Variants in GPR37 observed in about 807,000 individuals in gnomAD.
GPR37 encodes the protein prosaposin receptor GPR37.
A neutral mutation model predicts 43.6 loss-of-function variants in GPR37; 20 were observed. The observed-to-expected ratio is 0.46, with a 90% CI of 0.32 to 0.67. GPR37 has a LOEUF of 0.67. GPR37 is among the 30% of genes least tolerant of loss of function. The probability of loss-of-function intolerance (pLI) is 0.03; values close to 1 mark genes in which losing one functional copy is unlikely to be tolerated. For missense variants in GPR37, 724 were observed against 797.2 expected (o/e 0.91, Z 1.11); for synonymous variants, 315 against 322.6 (o/e 0.98, Z 0.25).
intron 1 of GPR37, among the ~76,000 whole-genome samples, chr7:124,756,672 T>C (rs564624312): frequency 5.9e-5 from 9 of 152,274 alleles, no homozygotes; most frequent in Non-Finnish European, 8.8e-5. Flanking sequence ...GGTCAATTCA[T>C]GGGAAGTGAA....
intron 1 of GPR37, among the ~76,000 whole-genome samples, chr7:124,756,164 AG>A (rs1793788588): frequency 6.6e-6 from 1 of 152,294 alleles, no homozygotes; most frequent in Admixed American, 6.5e-5. Context: ...CGATATAAAA[AG>A]GATTTGAATT....
intron 1 of GPR37, among the ~76,000 whole-genome samples, chr7:124,749,839 C>A (rs549680122): frequency 6.6e-6 from 1 of 152,168 alleles, no homozygotes; most frequent in South Asian, 2.1e-4. Flanking sequence ...AACCACAATT[C>A]TTATTCTCCA....
chr7:124,763,802 A>G (rs1262971715), intron 1 of GPR37, 152 bp downstream of exon 1: 8 of 714,064 alleles, frequency 1.1e-5, no homozygotes, highest in Non-Finnish European at 1.9e-5. Flanking sequence ...ATATACATAC[A>G]TGCATAAATG....
intron 1 of GPR37, among the ~76,000 whole-genome samples, chr7:124,757,462 G>A (rs967401107): frequency 6.6e-6 from 1 of 152,082 alleles, no homozygotes; most frequent in African/African-American, 2.4e-5. Context: ...TCCTGGGAAA[G>A]CTAAAGGAAA....
In GPR37 at chr7:124,764,040, A is replaced by G; in HGVS notation, c.937T>C (p.Phe313Leu). ...LAFWDFLIIF[F>L]CLPLVIFHEL... ...TGGAAGATGACCAGCGGAAGGCAGA[A>G]GAAGATGATGAGAAAGTCCCAGAAG... is the stretch of plus-strand genomic sequence containing the variant. Residue 313 changes from phenylalanine (F) to leucine (L), a missense_variant, in exon 1 of 2, where the codon TTC (phenylalanine) becomes CTC (leucine). Physicochemically the swap from Phe to Leu is conservative, Grantham distance 22. Transcript: ENST00000303921. This position sits in a 1 kb window ranked among gnomAD's most constrained non-coding sequence, Gnocchi z 5.4. 1 of 1,614,188 alleles carries G rather than the reference A, an allele frequency of 6.2e-7. No homozygotes were observed. Among genetic ancestry groups the G allele is most frequent in the Non-Finnish European group, 8.5e-7 (1 of 1,180,032 alleles).
chr7:124,749,001 T>C (rs948756410), intron 1 of GPR37, among the ~76,000 whole-genome samples: 18 of 152,042 alleles, frequency 1.2e-4, no homozygotes, highest in Non-Finnish European at 4.4e-5. Flanking sequence ...TTATATCAAC[T>C]CTATGCCGAG....
At chr7:124,762,841 C>T (rs1462950932) in intron 1 of GPR37, among the ~76,000 whole-genome samples, 1 of 152,224 alleles carries the variant, frequency 6.6e-6, no homozygotes, top group Admixed American at 6.5e-5. Flanking sequence ...CATAGTGTCA[C>T]AGGCCCTGGT....
intron 1 of GPR37, among the ~76,000 whole-genome samples, chr7:124,749,098 T>C (rs1017159177): frequency 3.3e-5 from 5 of 152,146 alleles, no homozygotes; most frequent in Non-Finnish European, 5.9e-5. Flanking sequence ...ATGGGGACGA[T>C]GGTTCTCAAA....
rs1793879921 is a variant in GPR37 at position 124,763,945 on chromosome 7, A to G, written c.1023+9T>C. On this transcript the variant is annotated intron_variant, in intron 1 of 1. Coordinates refer to ENST00000303921, the MANE Select transcript of GPR37 (RefSeq NM_005302.5). ...AGCCACTAGCTTGAGAGCCCCTGGA[A>G]GGCATTACCTCTATATAGGGCACGA... 6.2e-7 allele frequency: 1 copy of G among 1,612,362 alleles called. No homozygotes were observed. Among genetic ancestry groups the G allele is most frequent in the Admixed American group, 1.7e-5 (1 of 59,934 alleles).
rs753965814 is a variant in GPR37, at chr7:124,764,834, A to C, written c.143T>G (p.Val48Gly). ...GGCGTCCCTGCCGCGGCGCTGGATC[A>C]CTGTAGGTGCACAGCTCTCCCCCAG... ...TCLGESCAPTVIQRRGRDAWG... is the reference protein window; with the variant it reads ...TCLGESCAPTGIQRRGRDAWG... Residue 48 changes from valine (V) to glycine (G), a missense_variant, in exon 1 of 2, where the codon GTG becomes GGG. Val to Gly is a moderately radical substitution (Grantham distance 109). Transcript: ENST00000303921. This position sits in a 1 kb window ranked among gnomAD's most constrained non-coding sequence, Gnocchi z 5.4. 9.9e-6 allele frequency: 16 copies of C among 1,613,550 alleles called. No individual in the cohort carries two copies. Among genetic ancestry groups the C allele is most frequent in the Non-Finnish European group, 1.4e-5 (16 of 1,179,998 alleles).
rs1244794428 is a variant in GPR37, at chr7:124,746,909, T to C, written c.1458A>G (p.Leu486=). 1.2e-6 allele frequency: 2 copies of C among 1,614,000 alleles called. No individual in the cohort carries two copies. Among genetic ancestry groups the C allele is most frequent in the Non-Finnish European group, 1.7e-6 (2 of 1,179,976 alleles). Reference sequence around the variant, plus strand: ...CTACTGTACAGTTCATCTGACTCTCTAGTTGAATCTGCCGTTTATTCCCTC... The same window carrying C: ...CTACTGTACAGTTCATCTGACTCTCCAGTTGAATCTGCCGTTTATTCCCTC... ...CTRGNKRQIQ[L]ESQMNCTVVA... Residue 486 remains leucine (L), a synonymous_variant, in exon 2 of 2, where the codon CTA becomes CTG. Coordinates refer to ENST00000303921, the MANE Select transcript of GPR37 (RefSeq NM_005302.5).
At chr7:124,747,480 C>T in intron 1 of GPR37, 137 bp from the exon 2 acceptor site, 1 of 626,402 alleles carries the variant, frequency 1.6e-6, no homozygotes, top group Admixed American at 3.1e-5. Context: ...GAACAGTTTT[C>T]CAGAATGAGG....
intron 1 of GPR37, among the ~76,000 whole-genome samples, chr7:124,752,397 T>G (rs1293581454): frequency 1.3e-5 from 2 of 152,156 alleles, no homozygotes; most frequent in Non-Finnish European, 2.9e-5. Context: ...AGGTCTGGAA[T>G]CTATGACAGA....
intron 1 of GPR37, among the ~76,000 whole-genome samples, chr7:124,748,720 C>CT (rs951669958): frequency 6.6e-6 from 1 of 152,048 alleles, no homozygotes; most frequent in Non-Finnish European, 1.5e-5. Flanking sequence ...GCATAAAACT[C>CT]TTTGACAATA....
At chr7:124,754,331 G>A (rs1793768191) in intron 1 of GPR37, among the ~76,000 whole-genome samples, 1 of 152,138 alleles carries the variant, frequency 6.6e-6, no homozygotes, top group Admixed American at 6.5e-5. Context: ...TCCTGTCTTA[G>A]CTACTGCTGC....
At chr7:124,748,955 C>G (rs1325616934) in intron 1 of GPR37, among the ~76,000 whole-genome samples, 1 of 151,906 alleles carries the variant, frequency 6.6e-6, no homozygotes, top group African/African-American at 2.4e-5. Context: ...TCAAATGGGG[C>G]AAACAGATAC....
chr7:124,749,105 C>CA (rs1401399582), intron 1 of GPR37, among the ~76,000 whole-genome samples: 1 of 151,990 alleles, frequency 6.6e-6, no homozygotes, highest in African/African-American at 2.4e-5. Flanking sequence ...CGATGGTTCT[C>CA]AAAGTTACAA....
chr7:124,747,383 C>A, intron 1 of GPR37, 40 bp from the exon 2 acceptor site: 2 of 1,345,238 alleles, frequency 1.5e-6, no homozygotes, highest in Admixed American at 2.1e-5. Context: ...CCGGTGTCCC[C>A]CGAAAGATCA....
intron 1 of GPR37, among the ~76,000 whole-genome samples, chr7:124,763,447 C>CTTT (rs773592376): frequency 2.0e-5 from 3 of 152,044 alleles, no homozygotes; most frequent in Non-Finnish European, 2.9e-5. Flanking sequence ...ACACAATTTT[C>CTTT]TTTCTTTCTT....
Sources: gnomAD v4.1 joint callset for allele counts (sites outside exome capture counted in the v4.1 genomes callset) on GRCh38, gnomAD v4.1.1 for gene constraint, Gnocchi (gnomAD v3.1) non-coding constraint, MANE v1.5 for transcripts, NCBI Gene and HGNC (gene_info 2026-07-23, HGNC 2026-07-21) for gene names.